The following ACSM4 variants were observed in gnomAD, a reference collection of about 807,000 sequenced individuals.
ACSM4 encodes the protein acyl-CoA synthetase medium chain family member 4.
In ACSM4, 66 loss-of-function variants were observed where a neutral mutation model predicts 73.0. That is an observed-to-expected ratio of 0.90 (90% CI 0.74 to 1.11). ACSM4 has a LOEUF of 1.11. Ranked by LOEUF, ACSM4 falls within the 50% of genes least tolerant of loss-of-function variation. The pLI is 0.00. For missense variants in ACSM4, 645 were observed against 714.4 expected (o/e 0.90, Z 1.11); for synonymous variants, 222 against 254.0 (o/e 0.87, Z 1.20).
intron 3 of ACSM4, among the ~76,000 whole-genome samples, chr12:7,314,542 GTAGGTAGA>G (rs769362497): frequency 3.2e-4 from 48 of 152,256 alleles, no homozygotes; most frequent in Admixed American, 1.1e-3. Context: ...AAGTAGGTAG[GTAGGTAGA>G]TAGGTAGATA....
At chr12:7,311,047 T>A (rs375700599) in intron 3 of ACSM4, among the ~76,000 whole-genome samples, 5 of 151,968 alleles carry the variant, frequency 3.3e-5, no homozygotes, top group Admixed American at 6.6e-5. Context: ...CTGCCTGTAA[T>A]CCTAATTACT....
At chr12:7,308,984 A>C (rs1946375404) in intron 2 of ACSM4, among the ~76,000 whole-genome samples, 1 of 152,228 alleles carries the variant, frequency 6.6e-6, no homozygotes, top group East Asian at 1.9e-4. Context: ...TACTGGGATT[A>C]ATTTTAAGTG....
chr12:7,322,558 T>C lies in ACSM4; in HGVS notation c.1125+17T>C. 3.7e-6 allele frequency: 6 copies of C among 1,607,528 alleles called. No individual in the cohort carries two copies. The highest frequency in any genetic ancestry group is 5.1e-6 in the Non-Finnish European group (6 of 1,176,490). On this transcript the variant is annotated intron_variant, in intron 7 of 12. Transcript: ENST00000399422. ...ACGGAAGTGGTATATCTAAAGGGCA[T>C]TTATGTTTAGTATATGTGGGGGCCT...
In ACSM4 at chr12:7,317,018, G is replaced by A. The variant is rs1018449301; in HGVS notation, c.621-119G>A. The stretch of plus-strand genomic sequence containing the variant: ...TCCTCTCAGGAAAGCTTTGGATTAG[G>A]TTCAGTTCTGTTAACTATCTTCTGG... On this transcript the variant is annotated intron_variant, in intron 3 of 12. Coordinates refer to ENST00000399422, the MANE Select transcript of ACSM4 (RefSeq NM_001080454.2). 34 of 1,277,918 alleles carry A rather than the reference G, an allele frequency of 2.7e-5. No individual in the cohort carries two copies. The South Asian group carries it at 5.6e-4, about 21-fold the overall frequency. 79.2% of individuals were successfully genotyped at this position (1,277,918 alleles called of 1,614,324 possible).
chr12:7,326,287 C>G (rs1432070227), intron 11 of ACSM4, among the ~76,000 whole-genome samples: 1 of 152,174 alleles, frequency 6.6e-6, no homozygotes, highest in Non-Finnish European at 1.5e-5. Context: ...ACTGTAACCT[C>G]TCAAACTGCT....
At chr12:7,314,533 A>AGTAG (rs1946407597) in intron 3 of ACSM4, among the ~76,000 whole-genome samples, 1 of 152,144 alleles carries the variant, frequency 6.6e-6, no homozygotes, top group South Asian at 2.1e-4. Context: ...AAGATTGATA[A>AGTAG]GTAGGTAGGT....
Position 7,313,362 on chromosome 12 carries a change from GCCA to G in ACSM4, c.620+2617_620+2619del, listed in dbSNP as rs371142427. 2.2e-3 allele frequency among the ~76,000 whole-genome samples: 335 copies of G among 152,184 alleles called. 2 individuals carry two copies. Among genetic ancestry groups the G allele is most frequent in the African/African-American group, 7.5e-3 (312 of 41,530 alleles). On this transcript the variant is annotated intron_variant, in intron 3 of 12. Coordinates refer to ENST00000399422, the MANE Select transcript of ACSM4 (RefSeq NM_001080454.2). ...TTTGGAGTGTCATAACTCCAAAAAG[GCCA>G]TGGACTGTTTCTCTAAAAACTAGGG...
chr12:7,307,737 T>C (rs75792392), intron 2 of ACSM4, among the ~76,000 whole-genome samples: 4,206 of 152,294 alleles, frequency 0.028, 195 homozygotes, highest in African/African-American at 0.094. Flanking sequence ...AATACAGCCA[T>C]GCTCATTTAT....
chr12:7,304,447 A>G lies in ACSM4; in HGVS notation c.116A>G (p.Glu39Gly). The G allele has an allele frequency of 1.2e-6, 2 of 1,614,010 alleles. No individual in the cohort carries two copies. The highest frequency in any genetic ancestry group is 1.7e-6 in the Non-Finnish European group (2 of 1,179,870). Residue 39 changes from glutamate to glycine, a missense_variant, in exon 1 of 13, where the codon GAA becomes GGA. Coordinates refer to ENST00000399422, the MANE Select transcript of ACSM4 (RefSeq NM_001080454.2). ...ACGCCTCTGACTCTTGCTGACTTTG[A>G]AGCCATAAATCGCTGTAACAGGCCA... is the stretch of plus-strand genomic sequence containing the variant. The part of the protein sequence containing the change: ...LWTPLTLADF[E>G]AINRCNRPLP...
Position 7,318,121 on chromosome 12 carries a change from T to G in ACSM4, c.860T>G (p.Leu287Arg). 1 of 1,613,884 alleles carries G rather than the reference T, an allele frequency of 6.2e-7. No homozygotes were observed. The highest frequency in any genetic ancestry group is 1.1e-5 in the South Asian group (1 of 91,076). The change falls in exon 5 of 13, where the codon CTG becomes CGG. Residue 287 changes from leucine (L) to arginine (R), a missense_variant. By Grantham distance (102) the Leu-to-Arg change is moderately radical. Transcript: ENST00000399422. ...AAIGSVFSSW[L>R]CGACVFVHRM... The stretch of plus-strand genomic sequence containing the variant: ...ATTGGCAGTGTGTTTTCTTCCTGGC[T>G]GTGTGGAGCCTGTGTTTTTGTGCAT...
intron 7 of ACSM4, 67 bp from the exon 8 acceptor site, chr12:7,323,167 C>A (rs978620856): frequency 3.6e-6 from 5 of 1,406,334 alleles, no homozygotes; most frequent in Non-Finnish European, 4.9e-6. Context: ...TCTTAATTTT[C>A]ATTGCCATGA....
intron 8 of ACSM4, 69 bp downstream of exon 8, chr12:7,323,383 G>A (rs1946479141): frequency 6.3e-7 from 1 of 1,593,334 alleles, no homozygotes. Flanking sequence ...GCTATTCATT[G>A]CACAACTATT....
intron 12 of ACSM4, 70 bp downstream of exon 12, chr12:7,327,165 C>T (rs746524953): frequency 7.3e-5 from 107 of 1,466,338 alleles, no homozygotes; most frequent in Non-Finnish European, 9.7e-5. Flanking sequence ...TTAGATTTTA[C>T]TGGATTTTGA....
chr12:7,316,462 G>A (rs755640673), intron 3 of ACSM4, among the ~76,000 whole-genome samples: 2 of 152,112 alleles, frequency 1.3e-5, no homozygotes, highest in Non-Finnish European at 2.9e-5. Context: ...CTTACATCTC[G>A]TTGTCCATAA....
chr12:7,327,698 C>T (rs903212893), intron 12 of ACSM4, among the ~76,000 whole-genome samples: 3 of 152,122 alleles, frequency 2.0e-5, no homozygotes, highest in African/African-American at 7.2e-5. Flanking sequence ...AGTAGTTAAA[C>T]CTAAAAACTA....
chr12:7,324,391 T>C lies in ACSM4; in HGVS notation c.1427T>C (p.Ile476Thr), dbSNP rs375580946. Residue 476 changes from isoleucine (I) to threonine (T), a missense_variant, in exon 10 of 13, where the codon ATA becomes ACA. Transcript: ENST00000399422. ...WFVGRADDVI[I>T]SSGYRIGPFE... ...GTCGGCAGAGCTGATGATGTCATTATATCCTCTGGGTTTGTATATTTGCCA... is the reference window on the plus strand; with the variant it reads ...GTCGGCAGAGCTGATGATGTCATTACATCCTCTGGGTTTGTATATTTGCCA... 1.9e-6 allele frequency: 3 copies of C among 1,614,022 alleles called. No homozygotes were observed. The highest frequency in any genetic ancestry group is 2.5e-6 in the Non-Finnish European group (3 of 1,179,996).
chr12:7,308,583 A>G (rs1164393801), intron 2 of ACSM4, among the ~76,000 whole-genome samples: 1 of 152,206 alleles, frequency 6.6e-6, no homozygotes, highest in Admixed American at 6.5e-5. Flanking sequence ...CTACCCATTG[A>G]GTACATTCAT....
At position 7,306,568 on chromosome 12, in the gene ACSM4, G is replaced by A. The variant is rs1290516568; in HGVS notation, c.237G>A (p.Trp79Ter). 1 of 1,601,100 alleles carries A rather than the reference G, an allele frequency of 6.2e-7. No individual in the cohort carries two copies. Among genetic ancestry groups the A allele is most frequent in the East Asian group, 2.3e-5 (1 of 44,122 alleles). Residue 79 changes from tryptophan to a stop codon, truncating the protein, a stop_gained, in exon 2 of 13, where the codon TGG becomes TGA. Coordinates refer to ENST00000399422, the MANE Select transcript of ACSM4 (RefSeq NM_001080454.2). LOFTEE classifies it high-confidence loss of function. ...GACCAGCTAACCCAGCCCTGTGGTGGGTGAATGGCAAAGGGGATGAGGTAA... is the reference window on the plus strand; with the variant it reads ...GACCAGCTAACCCAGCCCTGTGGTGAGTGAATGGCAAAGGGGATGAGGTAA... The part of the protein sequence containing the change: ...GERPANPALW[W>*]VNGKGDEVKW...
At chr12:7,310,069 A>T (rs1455457815) in intron 2 of ACSM4, among the ~76,000 whole-genome samples, 2 of 152,172 alleles carry the variant, frequency 1.3e-5, no homozygotes, top group Non-Finnish European at 2.9e-5. Context: ...TTACAGGCCC[A>T]AGCCACCGCG....
Sources: gnomAD v4.1 joint callset for allele counts (sites outside exome capture counted in the v4.1 genomes callset) on GRCh38, gnomAD v4.1.1 for gene constraint, MANE v1.5 for transcripts, NCBI Gene and HGNC (gene_info 2026-07-23, HGNC 2026-07-21) for gene names.